The following CDH4 variants were observed in gnomAD, a reference collection of about 807,000 sequenced individuals.
The protein encoded by CDH4 is cadherin 4.
Under a neutral mutation model 86.0 loss-of-function variants are expected in CDH4, and 33 were observed. The ratio of observed to expected loss-of-function variants is 0.38; its 90% CI spans 0.29 to 0.51. CDH4 has a LOEUF of 0.51. Ranked by LOEUF, CDH4 falls within the 20% of genes least tolerant of loss-of-function variation. The pLI is 0.86. For synonymous variants in CDH4, 555 were observed against 549.4 expected, an observed-to-expected ratio of 1.01 and a Z score of -0.14; for missense variants, 1,114 against 1,307.4, an observed-to-expected ratio of 0.85 and a Z score of 2.28.
At chr20:61,457,418 A>C (rs772268652) in intron 2 of CDH4, among the ~76,000 whole-genome samples, 1 of 152,150 alleles carries the variant, frequency 6.6e-6, no homozygotes, top group South Asian at 2.1e-4. Flanking sequence ...GAGAAATTCA[A>C]CTCCCAAAGC....
At chr20:61,659,614 G>A (rs1272235103) in intron 2 of CDH4, among the ~76,000 whole-genome samples, 1 of 150,150 alleles carries the variant, frequency 6.7e-6, no homozygotes, top group Admixed American at 6.6e-5. Context: ...GGAGGCAGGA[G>A]GAGGGTGGGC....
intron 2 of CDH4, among the ~76,000 whole-genome samples, chr20:61,368,027 C>T (rs1408205696): frequency 6.6e-6 from 1 of 151,994 alleles, no homozygotes; most frequent in Non-Finnish European, 1.5e-5. Context: ...CCCACCACCA[C>T]ACCAGGCTAA....
intron 2 of CDH4, among the ~76,000 whole-genome samples, chr20:61,524,849 A>AT (rs1447624760): frequency 1.3e-5 from 2 of 152,228 alleles, no homozygotes; most frequent in African/African-American, 4.8e-5. Flanking sequence ...AGATAATACC[A>AT]TTGTAGACAG....
chr20:61,474,248 C>T (rs1390347726), intron 2 of CDH4, among the ~76,000 whole-genome samples: 3 of 149,728 alleles, frequency 2.0e-5, no homozygotes, highest in Non-Finnish European at 4.4e-5. Context: ...GCAACCCCCA[C>T]CTCCCTGGTT....
intron 2 of CDH4, among the ~76,000 whole-genome samples, chr20:61,449,644 A>AT (rs1298054880): frequency 6.9e-6 from 1 of 145,240 alleles, no homozygotes; most frequent in Non-Finnish European, 1.5e-5. Flanking sequence ...TAGAGAATTA[A>AT]AAAAAAAATG....
In CDH4 at chr20:61,473,607, G is replaced by A. The variant is rs1327790079; in HGVS notation, c.169+218670G>A. On this transcript the variant is annotated intron_variant, in intron 2 of 15. Transcript: ENST00000614565. ...GCAGAAGGTTGAATTTCATTTAGGA[G>A]TTTGCTTATAGTTCTGGGTTCTGTG... Among the ~76,000 whole-genome samples the A allele has an allele frequency of 4.6e-5, 7 of 152,286 alleles. No homozygotes were observed. In the East Asian group the frequency reaches 1.3e-3, roughly 29 times the overall value.
chr20:61,828,554 C>T (rs958384321), intron 4 of CDH4, among the ~76,000 whole-genome samples: 3 of 152,188 alleles, frequency 2.0e-5, no homozygotes, highest in Non-Finnish European at 4.4e-5. Flanking sequence ...GCAGTGTGTG[C>T]CCCACCTTCG....
chr20:61,750,580 G>T (rs547075693), intron 3 of CDH4, among the ~76,000 whole-genome samples: 1 of 152,310 alleles, frequency 6.6e-6, no homozygotes, highest in South Asian at 2.1e-4. Flanking sequence ...ATTACAAAAA[G>T]AGGAATTGCT....
intron 2 of CDH4, among the ~76,000 whole-genome samples, chr20:61,396,856 T>G (rs539676976): frequency 1.2e-4 from 19 of 152,292 alleles, no homozygotes; most frequent in African/African-American, 4.1e-4. Context: ...GTGGTTTTCA[T>G]GATACACTTT....
intron 6 of CDH4, among the ~76,000 whole-genome samples, chr20:61,871,406 G>A (rs1015492805): frequency 5.3e-5 from 8 of 152,174 alleles, no homozygotes; most frequent in African/African-American, 1.9e-4. Flanking sequence ...AGGAGGCTGT[G>A]TGTGATGTTA....
intron 2 of CDH4, among the ~76,000 whole-genome samples, chr20:61,326,885 G>T (rs147155268): frequency 1.7e-3 from 252 of 152,294 alleles, no homozygotes; most frequent in Non-Finnish European, 2.2e-3. Context: ...CTCAGCAAGA[G>T]CCAGCTGTGA....
intron 7 of CDH4, among the ~76,000 whole-genome samples, chr20:61,889,585 GTTA>G (rs1288517768): frequency 3.1e-5 from 2 of 64,158 alleles, no homozygotes; most frequent in Non-Finnish European, 7.6e-5. Context: ...TGATGAATGA[GTTA>G]GTGGATGGAT....
At chr20:61,658,986 A>G (rs1207454264) in intron 2 of CDH4, among the ~76,000 whole-genome samples, 1 of 152,168 alleles carries the variant, frequency 6.6e-6, no homozygotes, top group East Asian at 1.9e-4. Flanking sequence ...AGGCGTTTCT[A>G]ACAGGCCCCC....
intron 2 of CDH4, among the ~76,000 whole-genome samples, chr20:61,368,826 T>C (rs1251558068): frequency 2.0e-5 from 3 of 152,128 alleles, no homozygotes; most frequent in African/African-American, 7.2e-5. Flanking sequence ...TAGGATGGTA[T>C]TTTGTTGTAG....
At chr20:61,422,805 A>T (rs1412329369) in intron 2 of CDH4, among the ~76,000 whole-genome samples, 1 of 152,050 alleles carries the variant, frequency 6.6e-6, no homozygotes, top group Admixed American at 6.6e-5. Context: ...TGGGTGTGTC[A>T]TGTGTCTTGG....
At chr20:61,270,827 G>A (rs6028088) in intron 2 of CDH4, among the ~76,000 whole-genome samples, 26,180 of 152,028 alleles carry the variant, frequency 0.17, 2,387 homozygotes, top group African/African-American at 0.22. Context: ...GCACCTTTGC[G>A]GGGAGGTCGA....
chr20:61,530,801 A>G (rs1377084969), intron 2 of CDH4, among the ~76,000 whole-genome samples: 1 of 152,114 alleles, frequency 6.6e-6, no homozygotes, highest in Admixed American at 6.5e-5. Context: ...GCCCTCAGCC[A>G]GATCCAGCAT....
At chr20:61,328,650 G>A (rs1387192602) in intron 2 of CDH4, among the ~76,000 whole-genome samples, 1 of 152,108 alleles carries the variant, frequency 6.6e-6, no homozygotes, top group Middle Eastern at 3.2e-3. Flanking sequence ...GCTGGGCATG[G>A]TGTCATGTAC....
In CDH4 at chr20:61,628,548, A is replaced by G. The variant is rs1395934162; in HGVS notation, c.170-115015A>G. On this transcript the variant is annotated intron_variant, in intron 2 of 15. Transcript: ENST00000614565. ...CATGAGGCCGAGCTCCTGCCCTGCC[A>G]GGAGGTCAGGTGCCCTTCCTGCTAC... is the stretch of plus-strand genomic sequence containing the variant. 5.9e-5 allele frequency among the ~76,000 whole-genome samples: 9 copies of G among 152,350 alleles called. No homozygotes were observed. In the East Asian group the frequency reaches 1.5e-3, roughly 26 times the overall value.
Sources: gnomAD v4.1 joint callset for allele counts (sites outside exome capture counted in the v4.1 genomes callset) on GRCh38, gnomAD v4.1.1 for gene constraint, MANE v1.5 for transcripts, NCBI Gene and HGNC (gene_info 2026-07-23, HGNC 2026-07-21) for gene names.